Variants in PDE3A observed in about 807,000 individuals in gnomAD.
PDE3A encodes the protein cGMP-inhibited 3',5'-cyclic phosphodiesterase 3A.
Under a neutral mutation model 98.3 loss-of-function variants are expected in PDE3A, and 43 were observed. The ratio of observed to expected loss-of-function variants is 0.44; its 90% CI spans 0.34 to 0.56. The LOEUF (loss-of-function observed/expected upper bound fraction) is 0.56. Among genes scored for constraint, PDE3A ranks in the 20% least tolerant of loss-of-function variants. PDE3A has a pLI of 0.01. For synonymous variants in PDE3A, 663 were observed against 567.9 expected (o/e 1.17, Z -2.38); for missense variants, 1,427 against 1,440.7 (o/e 0.99, Z 0.15).
intron 2 of PDE3A, among the ~76,000 whole-genome samples, chr12:20,607,468 A>G (rs1401507124): frequency 6.6e-6 from 1 of 151,762 alleles, no homozygotes; most frequent in Admixed American, 6.6e-5. Flanking sequence ...AGAAAAAAAA[A>G]CACATTGGAA....
intron 1 of PDE3A, among the ~76,000 whole-genome samples, chr12:20,397,649 T>G (rs972964454): frequency 2.4e-4 from 36 of 152,110 alleles, no homozygotes; most frequent in Admixed American, 2.4e-3. Context: ...CTTTAAAATA[T>G]TTCCCAACTA....
chr12:20,663,260 G>C (rs998664397), intron 15 of PDE3A, among the ~76,000 whole-genome samples: 1 of 152,242 alleles, frequency 6.6e-6, no homozygotes, highest in African/African-American at 2.4e-5. Context: ...ACCTCTGCTA[G>C]GGCAGTATGG....
Position 20,373,387 on chromosome 12 carries a change from G to A in PDE3A, c.960+3143G>A, listed in dbSNP as rs576862372. 4.6e-5 allele frequency among the ~76,000 whole-genome samples: 7 copies of A among 152,054 alleles called. No individual in the cohort carries two copies. The East Asian group carries it at 5.8e-4, about 13-fold the overall frequency. ...GGCCCGAAACATGGGAATATACAGA[G>A]GTACCTAGACTTTCTTGGAGTATTA... On this transcript the variant is annotated intron_variant, in intron 1 of 15. Coordinates refer to ENST00000359062, the MANE Select transcript of PDE3A (RefSeq NM_000921.5).
intron 6 of PDE3A, among the ~76,000 whole-genome samples, chr12:20,632,874 C>A (rs1397249438): frequency 2.0e-5 from 3 of 151,416 alleles, no homozygotes; most frequent in Non-Finnish European, 4.4e-5. Context: ...CTATTTCAAC[C>A]TATGCTGTCT....
chr12:20,373,546 A>G (rs571870114), intron 1 of PDE3A, among the ~76,000 whole-genome samples: 7 of 152,208 alleles, frequency 4.6e-5, no homozygotes, highest in Non-Finnish European at 7.4e-5. Flanking sequence ...TTGGCTGCTC[A>G]TTCTTCTCTA....
At chr12:20,507,228 A>G (rs1033232206) in intron 1 of PDE3A, among the ~76,000 whole-genome samples, 1 of 152,016 alleles carries the variant, frequency 6.6e-6, no homozygotes. Flanking sequence ...ATACGAGTCC[A>G]AGTTCTGCCT....
At chr12:20,437,729 C>T (rs752878440) in intron 1 of PDE3A, among the ~76,000 whole-genome samples, 17 of 152,142 alleles carry the variant, frequency 1.1e-4, no homozygotes, top group Non-Finnish European at 2.2e-4. Context: ...TCTAATCAGG[C>T]CTACCTCCAA....
chr12:20,562,402 T>C (rs1942549143), intron 2 of PDE3A, among the ~76,000 whole-genome samples: 1 of 152,004 alleles, frequency 6.6e-6, no homozygotes, highest in African/African-American at 2.4e-5. Context: ...GTGTTTTTAA[T>C]AGAGACAGGG....
intron 1 of PDE3A, among the ~76,000 whole-genome samples, chr12:20,414,041 A>C (rs571110324): frequency 6.6e-6 from 1 of 152,330 alleles, no homozygotes; most frequent in Non-Finnish European, 1.5e-5. Context: ...AGATAACAGA[A>C]TGTGATTCCT....
At chr12:20,547,200 A>G (rs932549231) in intron 1 of PDE3A, among the ~76,000 whole-genome samples, 1 of 142,962 alleles carries the variant, frequency 7.0e-6, no homozygotes, top group Admixed American at 6.7e-5. Flanking sequence ...GTACTTATAT[A>G]AACTTACCTC....
intron 1 of PDE3A, among the ~76,000 whole-genome samples, chr12:20,483,412 T>C (rs1197029284): frequency 1.3e-5 from 2 of 152,016 alleles, no homozygotes; most frequent in African/African-American, 4.8e-5. Flanking sequence ...ACAAACAAAC[T>C]TCTAAAAGAT....
At chr12:20,626,218 A>G (rs1565454402) in intron 5 of PDE3A, among the ~76,000 whole-genome samples, 1 of 147,846 alleles carries the variant, frequency 6.8e-6, no homozygotes, top group Non-Finnish European at 1.5e-5. Flanking sequence ...TTTATAGTTT[A>G]TCCTTTCTAT....
chr12:20,449,305 CA>C (rs1304155355), intron 1 of PDE3A, among the ~76,000 whole-genome samples: 1 of 152,162 alleles, frequency 6.6e-6, no homozygotes, highest in Non-Finnish European at 1.5e-5. Context: ...TTCATTTTAA[CA>C]GTTGCTTCAG....
chr12:20,561,405 T>A (rs1251654538), intron 2 of PDE3A, among the ~76,000 whole-genome samples: 1 of 152,198 alleles, frequency 6.6e-6, no homozygotes, highest in Non-Finnish European at 1.5e-5. Context: ...CTAGAAAACA[T>A]ATGGAATAAA....
intron 15 of PDE3A, among the ~76,000 whole-genome samples, chr12:20,672,135 T>A (rs898803525): frequency 6.7e-6 from 1 of 149,726 alleles, no homozygotes; most frequent in African/African-American, 2.5e-5. Context: ...GAATCCAACT[T>A]ACAAGGGATG....
chr12:20,501,514 A>C (rs1946025459), intron 1 of PDE3A, among the ~76,000 whole-genome samples: 1 of 152,292 alleles, frequency 6.6e-6, no homozygotes, highest in Admixed American at 6.5e-5. Flanking sequence ...GTTTGTGCCA[A>C]GTTTTTGGTT....
chr12:20,679,029 A>G (rs552595891), intron 15 of PDE3A, among the ~76,000 whole-genome samples: 3 of 152,216 alleles, frequency 2.0e-5, no homozygotes, highest in Non-Finnish European at 4.4e-5. Flanking sequence ...CATATGGAGT[A>G]TCATGGGAAT....
intron 1 of PDE3A, among the ~76,000 whole-genome samples, chr12:20,382,871 G>C (rs1412599022): frequency 6.6e-6 from 1 of 151,908 alleles, no homozygotes; most frequent in African/African-American, 2.4e-5. Flanking sequence ...ATTTCAGAAA[G>C]CACTATGTAA....
chr12:20,473,205 A>G (rs186309894), intron 1 of PDE3A, among the ~76,000 whole-genome samples: 151 of 152,296 alleles, frequency 9.9e-4, no homozygotes, highest in Admixed American at 2.6e-3. Context: ...AAAGAATAGC[A>G]AACATTGGTG....
Sources: allele counts gnomAD v4.1 joint callset (sites outside exome capture counted in the v4.1 genomes callset), GRCh38; gene constraint gnomAD v4.1.1; transcripts MANE v1.5; gene names NCBI Gene and HGNC (gene_info 2026-07-23, HGNC 2026-07-21).